The following ARHGAP28 variants were observed in gnomAD, a reference collection of about 807,000 sequenced individuals.
ARHGAP28 encodes Rho GTPase activating protein 28.
A neutral mutation model predicts 90.7 loss-of-function variants in ARHGAP28; 56 were observed. That is an observed-to-expected ratio of 0.62 (90% CI 0.50 to 0.77). The LOEUF (loss-of-function observed/expected upper bound fraction) is 0.77, where lower values mean the gene tolerates loss of function less well. ARHGAP28 is among the 30% of genes least tolerant of loss of function. The pLI is 0.00. For missense variants in ARHGAP28, 869 were observed against 900.9 expected, an observed-to-expected ratio of 0.96 and a Z score of 0.45; for synonymous variants, 308 against 323.3, an observed-to-expected ratio of 0.95 and a Z score of 0.51.
chr18:6,776,466 C>G (rs961920978), intron 1 of ARHGAP28, among the ~76,000 whole-genome samples: 12 of 152,308 alleles, frequency 7.9e-5, no homozygotes, highest in African/African-American at 2.9e-4. Flanking sequence ...GTATCACAGC[C>G]ATTCAAGTCT....
chr18:6,908,642 T>C (rs2057377388), intron 16 of ARHGAP28, among the ~76,000 whole-genome samples: 1 of 152,226 alleles, frequency 6.6e-6, no homozygotes, highest in Non-Finnish European at 1.5e-5. Context: ...AGCTGCTCCG[T>C]GTCCAGCCTT....
rs771378903 is a variant in ARHGAP28 at position 6,873,817 on chromosome 18, T to C, written c.1212+42T>C. The C allele has an allele frequency of 1.5e-5, 23 of 1,533,970 alleles. No individual in the cohort carries two copies. The South Asian group carries it at 2.5e-4, about 17-fold the overall frequency. On this transcript the variant is annotated intron_variant, in intron 9 of 17. Coordinates refer to ENST00000383472, the MANE Select transcript of ARHGAP28 (RefSeq NM_001366230.1). ...TGAAAGGGGAATTCACAGAGCCTCA[T>C]GCTTATGATTTGGCACTTTGTAAAC... is the stretch of plus-strand genomic sequence containing the variant.
At chr18:6,864,892 C>G (rs1045228984) in intron 5 of ARHGAP28, among the ~76,000 whole-genome samples, 2 of 151,964 alleles carry the variant, frequency 1.3e-5, no homozygotes, top group Non-Finnish European at 2.9e-5. Context: ...GCTATATTGC[C>G]CAGGCAGAAC....
rs539168403 is a variant in ARHGAP28, at chr18:6,794,405, A to G, written c.123-30357A>G. The stretch of plus-strand genomic sequence containing the variant: ...GCATGTAGCAGGAAAATGGGGAGAC[A>G]GTCCTGTGAATTGCAGAGGAACCTT... On this transcript the variant is annotated intron_variant, in intron 1 of 17. Transcript: ENST00000383472. Among the ~76,000 whole-genome samples the G allele has an allele frequency of 3.3e-5, 5 of 152,350 alleles. No homozygotes were observed. In the East Asian group the frequency reaches 5.8e-4, roughly 18 times the overall value.
In ARHGAP28 at chr18:6,782,802, T is replaced by C. The variant is rs571800549; in HGVS notation, c.123-41960T>C. Reference sequence around the variant, plus strand: ...TATACAATTATATAATTGTATATAATGTGTGCCCATATGTATTTCTCTAAC... The same window carrying C: ...TATACAATTATATAATTGTATATAACGTGTGCCCATATGTATTTCTCTAAC... On this transcript the variant is annotated intron_variant, in intron 1 of 17. Coordinates refer to ENST00000383472, the MANE Select transcript of ARHGAP28 (RefSeq NM_001366230.1). Among the ~76,000 whole-genome samples the C allele has an allele frequency of 4.9e-4, 74 of 151,812 alleles. 1 individual carries two copies. Among genetic ancestry groups the C allele is most frequent in the African/African-American group, 1.7e-3 (71 of 41,440 alleles).
chr18:6,822,141 A>G (rs1371376592), intron 1 of ARHGAP28, among the ~76,000 whole-genome samples: 1 of 152,114 alleles, frequency 6.6e-6, no homozygotes, highest in East Asian at 1.9e-4. Context: ...AAGACCTTCC[A>G]TTTTTGCTTT....
chr18:6,885,693 G>C (rs1206766606), intron 11 of ARHGAP28, among the ~76,000 whole-genome samples: 1 of 151,958 alleles, frequency 6.6e-6, no homozygotes. Context: ...TGGATTATTT[G>C]CCAAATTAAA....
At chr18:6,811,266 G>T (rs2056554257) in intron 1 of ARHGAP28, among the ~76,000 whole-genome samples, 1 of 152,072 alleles carries the variant, frequency 6.6e-6, no homozygotes, top group South Asian at 2.1e-4. Flanking sequence ...AATGTTCATT[G>T]ACTAAATGAA....
intron 1 of ARHGAP28, among the ~76,000 whole-genome samples, chr18:6,749,591 T>C (rs887435031): frequency 6.6e-6 from 1 of 152,204 alleles, no homozygotes. Flanking sequence ...CACATTGTAT[T>C]CTTACCATTC....
intron 10 of ARHGAP28, among the ~76,000 whole-genome samples, chr18:6,880,979 G>C (rs934274872): frequency 6.6e-6 from 1 of 152,108 alleles, no homozygotes. Context: ...ATCACCAGAG[G>C]GTTTCTTGAT....
chr18:6,903,535 A>G (rs2057348361), intron 16 of ARHGAP28, among the ~76,000 whole-genome samples: 1 of 152,168 alleles, frequency 6.6e-6, no homozygotes. Context: ...AAAACAAGAT[A>G]GAATCCAGAA....
chr18:6,821,119 AATTAT>A (rs2056623962), intron 1 of ARHGAP28, among the ~76,000 whole-genome samples: 1 of 152,186 alleles, frequency 6.6e-6, no homozygotes, highest in African/African-American at 2.4e-5. Flanking sequence ...GTAGAGGGAG[AATTAT>A]ATTCTGTAAG....
At chr18:6,895,292 G>A (rs759732471) in intron 15 of ARHGAP28, among the ~76,000 whole-genome samples, 1 of 151,852 alleles carries the variant, frequency 6.6e-6, no homozygotes, top group Non-Finnish European at 1.5e-5. Flanking sequence ...CAAATCCCTC[G>A]GTATCTTTTC....
chr18:6,904,703 A>T (rs2057356031), intron 16 of ARHGAP28, among the ~76,000 whole-genome samples: 1 of 152,154 alleles, frequency 6.6e-6, no homozygotes, highest in Non-Finnish European at 1.5e-5. Context: ...TAACAAAGAT[A>T]AAAGGATGAC....
intron 1 of ARHGAP28, among the ~76,000 whole-genome samples, chr18:6,791,839 G>C (rs967031): frequency 6.6e-6 from 1 of 151,794 alleles, no homozygotes; most frequent in African/African-American, 2.4e-5. Context: ...TAATTTGTGG[G>C]TTTTTTTTGT....
chr18:6,894,742 A>T, intron 14 of ARHGAP28, 93 bp from the exon 15 acceptor site: 2 of 1,007,774 alleles, frequency 2.0e-6, no homozygotes, highest in Non-Finnish European at 3.0e-6. Flanking sequence ...TATTGCCAAA[A>T]TGTTCTCCAT....
At chr18:6,818,119 G>A (rs979307910) in intron 1 of ARHGAP28, among the ~76,000 whole-genome samples, 3 of 152,106 alleles carry the variant, frequency 2.0e-5, no homozygotes, top group Admixed American at 6.6e-5. Flanking sequence ...ACAGCCCCTC[G>A]AAGTGCATGT....
intron 1 of ARHGAP28, among the ~76,000 whole-genome samples, chr18:6,775,619 G>A (rs2056277786): frequency 6.6e-6 from 1 of 152,158 alleles, no homozygotes; most frequent in Non-Finnish European, 1.5e-5. Flanking sequence ...CGCTGGATGT[G>A]TTCATTTGTG....
intron 14 of ARHGAP28, among the ~76,000 whole-genome samples, chr18:6,890,812 G>T (rs1356215591): frequency 6.6e-6 from 1 of 152,144 alleles, no homozygotes; most frequent in Non-Finnish European, 1.5e-5. Context: ...AGGCTAAAAT[G>T]GTTCTCGCAA....
Sources: allele counts gnomAD v4.1 joint callset (sites outside exome capture counted in the v4.1 genomes callset), GRCh38; gene constraint gnomAD v4.1.1; transcripts MANE v1.5; gene names NCBI Gene and HGNC (gene_info 2026-07-23, HGNC 2026-07-21).